Variants in LMX1A observed in about 807,000 individuals in gnomAD.
LMX1A encodes the protein LIM homeobox transcription factor 1 alpha, also known as LIM homeobox transcription factor 1-alpha.
Under a neutral mutation model 49.1 loss-of-function variants are expected in LMX1A, and 15 were observed. The ratio of observed to expected loss-of-function variants is 0.31; its 90% CI spans 0.20 to 0.47. LMX1A has a LOEUF of 0.47. LMX1A is among the 20% of genes least tolerant of loss of function. The probability of loss-of-function intolerance (pLI) is 1.00; values close to 1 mark genes in which losing one functional copy is unlikely to be tolerated. For synonymous variants in LMX1A, 167 were observed against 185.7 expected (o/e 0.90, Z 0.82); for missense variants, 372 against 475.8 (o/e 0.78, Z 2.03).
At chr1:165,288,261 G>GTCTACT (rs1455594218) in intron 3 of LMX1A, among the ~76,000 whole-genome samples, 1 of 152,182 alleles carries the variant, frequency 6.6e-6, no homozygotes, top group African/African-American at 2.4e-5. Flanking sequence ...GGCCCCCAGA[G>GTCTACT]TCTACTTCCA....
At chr1:165,293,290 C>A (rs1440530579) in intron 3 of LMX1A, among the ~76,000 whole-genome samples, 1 of 152,182 alleles carries the variant, frequency 6.6e-6, no homozygotes, top group Non-Finnish European at 1.5e-5. Context: ...AGTGCACAAT[C>A]AACTAACATT....
At chr1:165,221,687 C>T (rs1557853565) in intron 4 of LMX1A, among the ~76,000 whole-genome samples, 1 of 152,206 alleles carries the variant, frequency 6.6e-6, no homozygotes, top group East Asian at 1.9e-4. Flanking sequence ...TGTGTCTCCA[C>T]TCTGAGTGCT....
At chr1:165,282,591 G>A (rs1303522837) in intron 3 of LMX1A, among the ~76,000 whole-genome samples, 1 of 152,108 alleles carries the variant, frequency 6.6e-6, no homozygotes, top group East Asian at 1.9e-4. Context: ...CAGATATGGA[G>A]GCCGACTGTG....
chr1:165,288,607 G>C (rs1282791905), intron 3 of LMX1A, among the ~76,000 whole-genome samples: 2 of 152,186 alleles, frequency 1.3e-5, no homozygotes, highest in Non-Finnish European at 2.9e-5. Flanking sequence ...CTAGGTTACA[G>C]CTGAGGACTG....
intron 4 of LMX1A, among the ~76,000 whole-genome samples, chr1:165,214,088 G>T (rs1167135694): frequency 1.3e-5 from 2 of 152,170 alleles, no homozygotes; most frequent in African/African-American, 4.8e-5. Flanking sequence ...GTGGCCTTGG[G>T]CAATGATATG....
At chr1:165,319,747 G>A (rs1290523350) in intron 3 of LMX1A, among the ~76,000 whole-genome samples, 1 of 152,104 alleles carries the variant, frequency 6.6e-6, no homozygotes, top group Non-Finnish European at 1.5e-5. Flanking sequence ...ACACACACAC[G>A]AATAATGGGG....
intron 4 of LMX1A, among the ~76,000 whole-genome samples, chr1:165,240,837 C>A (rs1056795256): frequency 6.6e-6 from 1 of 152,166 alleles, no homozygotes; most frequent in African/African-American, 2.4e-5. Context: ...ACCCTCAAAC[C>A]AAGAGGCACA....
Position 165,213,735 on chromosome 1 carries a change from T to C in LMX1A, c.575A>G (p.His192Arg). ...GGTTCTCGGACGTTTGGGGCGCTTA[T>C]GGTCCTTGCCTTCCTCAGCAGTTCC... ...GKGTAEEGKD[H>R]KRPKRPRTIL... The change falls in exon 5 of 9, where the codon CAT becomes CGT. Residue 192 changes from histidine (H) to arginine (R), a missense_variant. Coordinates refer to ENST00000342310, the MANE Select transcript of LMX1A (RefSeq NM_177398.4). 1.2e-6 allele frequency: 2 copies of C among 1,614,214 alleles called. No individual in the cohort carries two copies. Among genetic ancestry groups the C allele is most frequent in the Non-Finnish European group, 1.7e-6 (2 of 1,180,030 alleles).
intron 3 of LMX1A, among the ~76,000 whole-genome samples, chr1:165,296,860 G>A (rs1557876711): frequency 6.6e-6 from 1 of 152,216 alleles, no homozygotes; most frequent in Non-Finnish European, 1.5e-5. Context: ...AGAAAGGCGT[G>A]GGGTTTAATT....
chr1:165,264,135 A>C (rs1297871600), intron 3 of LMX1A, among the ~76,000 whole-genome samples: 1 of 152,090 alleles, frequency 6.6e-6, no homozygotes, highest in African/African-American at 2.4e-5. Flanking sequence ...GCAAGGAGGG[A>C]CTGGGTAAAA....
chr1:165,244,942 G>A (rs1405312434), intron 4 of LMX1A, among the ~76,000 whole-genome samples: 1 of 151,888 alleles, frequency 6.6e-6, no homozygotes, highest in Non-Finnish European at 1.5e-5. Flanking sequence ...AGCAAAGCAG[G>A]GACCAGGACA....
In LMX1A at chr1:165,268,170, A is replaced by G. The variant is rs528618344; in HGVS notation, c.264-18530T>C. Among the ~76,000 whole-genome samples the G allele has an allele frequency of 6.6e-5, 10 of 152,252 alleles. No homozygotes were observed. The East Asian group carries it at 1.4e-3, about 21-fold the overall frequency. On this transcript the variant is annotated intron_variant, in intron 3 of 8. Coordinates refer to ENST00000342310, the MANE Select transcript of LMX1A (RefSeq NM_177398.4). ...ACTTAGAGCAAGTAAAGACTCCTAGATGCTCTAGGCAGAATTCTCAGAAAC... is the reference window on the plus strand; with the variant it reads ...ACTTAGAGCAAGTAAAGACTCCTAGGTGCTCTAGGCAGAATTCTCAGAAAC...
intron 3 of LMX1A, among the ~76,000 whole-genome samples, chr1:165,299,735 C>T (rs28698066): frequency 3.9e-4 from 55 of 139,334 alleles, no homozygotes; most frequent in African/African-American, 1.4e-3. Context: ...AGTTCCTGCA[C>T]GTATGTCTGA....
At chr1:165,283,814 A>G (rs915314520) in intron 3 of LMX1A, among the ~76,000 whole-genome samples, 5 of 152,162 alleles carry the variant, frequency 3.3e-5, no homozygotes, top group Admixed American at 3.3e-4. Flanking sequence ...AAACACAAAC[A>G]TTCAGTTTTT....
At chr1:165,332,158 G>A (rs1477163727) in intron 3 of LMX1A, among the ~76,000 whole-genome samples, 1 of 152,020 alleles carries the variant, frequency 6.6e-6, no homozygotes, top group African/African-American at 2.4e-5. Context: ...AAAACAATAA[G>A]TAAATTAAAA....
At chr1:165,262,159 C>G (rs1198067933) in intron 3 of LMX1A, among the ~76,000 whole-genome samples, 1 of 152,158 alleles carries the variant, frequency 6.6e-6, no homozygotes, top group Non-Finnish European at 1.5e-5. Flanking sequence ...GAAACTCTCA[C>G]CAGCCTCCCT....
intron 3 of LMX1A, among the ~76,000 whole-genome samples, chr1:165,317,837 A>T (rs1374163951): frequency 6.6e-6 from 1 of 152,214 alleles, no homozygotes; most frequent in Non-Finnish European, 1.5e-5. Flanking sequence ...CCTCTGCGTA[A>T]TTCATTCCCT....
chr1:165,333,689 A>C (rs1353937872), intron 3 of LMX1A, among the ~76,000 whole-genome samples: 2 of 152,126 alleles, frequency 1.3e-5, no homozygotes, highest in African/African-American at 4.8e-5. Context: ...TTCACCCTCC[A>C]AAATACTTTA....
chr1:165,351,726 AT>A (rs950299639), intron 3 of LMX1A, among the ~76,000 whole-genome samples: 32 of 152,320 alleles, frequency 2.1e-4, no homozygotes, highest in African/African-American at 7.5e-4. Flanking sequence ...GGCAGAAACA[AT>A]TTTTTTGTGT....
Sources: gnomAD v4.1 joint callset for allele counts (sites outside exome capture counted in the v4.1 genomes callset) on GRCh38, gnomAD v4.1.1 for gene constraint, MANE v1.5 for transcripts, NCBI Gene and HGNC (gene_info 2026-07-23, HGNC 2026-07-21) for gene names.